GJB7: variants seen among roughly 807,000 people sequenced by gnomAD.
GJB7 encodes gap junction protein beta 7.
For missense variants in GJB7, 253 were observed against 256.8 expected (o/e 0.99, Z 0.10); for synonymous variants, 87 against 95.2 (o/e 0.91, Z 0.50).
At chr6:87,296,131 A>G (rs923183472) in intron 2 of GJB7, among the ~76,000 whole-genome samples, 1 of 152,266 alleles carries the variant, frequency 6.6e-6, no homozygotes, top group African/African-American at 2.4e-5. Context: ...ATACAGTACA[A>G]TAGTGACTAT....
chr6:87,328,404 T>C (rs1202502083), intron 1 of GJB7, among the ~76,000 whole-genome samples: 1 of 152,080 alleles, frequency 6.6e-6, no homozygotes, highest in African/African-American at 2.4e-5. Context: ...TTGTCTTTGT[T>C]GATGGTGATG....
At chr6:87,289,208 AG>A (rs1776119781) in intron 2 of GJB7, among the ~76,000 whole-genome samples, 2 of 152,302 alleles carry the variant, frequency 1.3e-5, no homozygotes, top group South Asian at 4.1e-4. Context: ...AACCTGAATC[AG>A]AGTGGCTTTC....
At chr6:87,300,190 A>G (rs1052412987) in intron 2 of GJB7, 1 of 212,794 alleles carries the variant, frequency 4.7e-6, no homozygotes, top group African/African-American at 2.3e-5. Flanking sequence ...TGCAGTGACT[A>G]TTGTTAAGAA....
intron 2 of GJB7, among the ~76,000 whole-genome samples, chr6:87,307,213 A>AG (rs1554213747): frequency 3.3e-5 from 5 of 151,636 alleles, no homozygotes; most frequent in African/African-American, 9.7e-5. Flanking sequence ...AAAAAAAAAA[A>AG]ACTATTAAAA....
chr6:87,305,680 A>C (rs1776414605), intron 2 of GJB7, among the ~76,000 whole-genome samples: 2 of 152,344 alleles, frequency 1.3e-5, no homozygotes, highest in South Asian at 2.1e-4. Context: ...AAGCTACTTT[A>C]AAGTTCATAT....
chr6:87,315,731 G>C (rs1339794423), intron 2 of GJB7, among the ~76,000 whole-genome samples: 1 of 150,674 alleles, frequency 6.6e-6, no homozygotes, highest in African/African-American at 2.5e-5. Context: ...GGGAGGTGGA[G>C]GTTGCAGTGA....
intron 2 of GJB7, among the ~76,000 whole-genome samples, chr6:87,293,838 AC>A (rs1776213641): frequency 6.6e-6 from 1 of 152,192 alleles, no homozygotes; most frequent in Non-Finnish European, 1.5e-5. Flanking sequence ...AATTTTCCAG[AC>A]AAAGATCCCT....
intron 2 of GJB7, among the ~76,000 whole-genome samples, chr6:87,310,118 A>T (rs1407105811): frequency 1.3e-5 from 2 of 152,230 alleles, no homozygotes; most frequent in African/African-American, 4.8e-5. Context: ...AAAAAAATTC[A>T]TCTTGATTGC....
In GJB7 at chr6:87,329,160, C is replaced by T. The variant is rs1776928232; in HGVS notation, c.-228G>A. 1 of 156,204 alleles carries T rather than the reference C, an allele frequency of 6.4e-6. No homozygotes were observed. The highest frequency in any genetic ancestry group is 2.4e-5 in the African/African-American group (1 of 41,506). 9.7% of individuals were successfully genotyped at this position (156,204 alleles called of 1,614,324 possible). On this transcript the variant is annotated 5_prime_UTR_variant, in exon 1 of 3. Coordinates refer to ENST00000525899, the MANE Select transcript of GJB7 (RefSeq NM_198568.3). ...TACCTGCGCCCAGTGTCTGGCACTC[C>T]CTAGTGAGATGAACCCGGTACCTCG...
intron 2 of GJB7, among the ~76,000 whole-genome samples, chr6:87,286,056 G>T (rs1245577312): frequency 6.6e-6 from 1 of 151,900 alleles, no homozygotes; most frequent in Non-Finnish European, 1.5e-5. Flanking sequence ...TTTCATCTTC[G>T]TTTTTGTTGT....
chr6:87,310,679 C>A (rs961346487), intron 2 of GJB7, among the ~76,000 whole-genome samples: 1 of 151,968 alleles, frequency 6.6e-6, no homozygotes, highest in South Asian at 2.1e-4. Flanking sequence ...AATATTCATA[C>A]AAATCAACAA....
chr6:87,298,246 A>T (rs1270543090), intron 2 of GJB7, among the ~76,000 whole-genome samples: 2 of 152,252 alleles, frequency 1.3e-5, no homozygotes, highest in African/African-American at 2.4e-5. Flanking sequence ...TGGAACCAAG[A>T]TCACTGAGAG....
At chr6:87,312,549 G>A (rs146535714) in intron 2 of GJB7, among the ~76,000 whole-genome samples, 27 of 151,842 alleles carry the variant, frequency 1.8e-4, no homozygotes, top group African/African-American at 5.5e-4. Flanking sequence ...GGTGGTCAAG[G>A]CAAAGCTCTA....
At chr6:87,298,320 T>C (rs1236602388) in intron 2 of GJB7, among the ~76,000 whole-genome samples, 1 of 152,196 alleles carries the variant, frequency 6.6e-6, no homozygotes, top group Non-Finnish European at 1.5e-5. Flanking sequence ...TTTTCACTGA[T>C]ATAGAAGCAG....
intron 2 of GJB7, among the ~76,000 whole-genome samples, chr6:87,289,232 A>C (rs1450296621): frequency 6.6e-6 from 1 of 152,156 alleles, no homozygotes; most frequent in Admixed American, 6.5e-5. Flanking sequence ...TGACCCCACT[A>C]ATCTAAATTA....
At chr6:87,290,689 A>C (rs59138817) in intron 2 of GJB7, among the ~76,000 whole-genome samples, 13,384 of 152,160 alleles carry the variant, frequency 0.088, 1,035 homozygotes, top group African/African-American at 0.21. Context: ...TGCAAACTAC[A>C]CAGCACTCAG....
Position 87,284,782 on chromosome 6 carries a change from C to T in GJB7, c.131G>A (p.Trp44Ter), listed in dbSNP as rs776237201. The stretch of plus-strand genomic sequence containing the variant: ...CTCAAACTCTTTCTGCTCATCTTTC[C>T]ACACGTGCTCTGCTGCCACCATGTA... ...LVYMVAAEHV[W>*]KDEQKEFECN... Residue 44 changes from tryptophan (W) to a stop codon, truncating the protein, a stop_gained, in exon 3 of 3, where the codon TGG (tryptophan) becomes TAG (stop). Transcript: ENST00000525899. LOFTEE classifies it low-confidence loss of function (END_TRUNC). 2.5e-6 allele frequency: 4 copies of T among 1,614,010 alleles called. No homozygotes were observed. Among genetic ancestry groups the T allele is most frequent in the Non-Finnish European group, 3.4e-6 (4 of 1,180,032 alleles).
At position 87,325,166 on chromosome 6, in the gene GJB7, G is replaced by A. The variant is rs183771024; in HGVS notation, c.-205-2123C>T. On this transcript the variant is annotated intron_variant, in intron 1 of 2. Transcript: ENST00000525899. ...GCTTATCAGCTTAAGGAGATGTTGG[G>A]CTGAGACAATGGGGTTTTCTAGGTA... Among the ~76,000 whole-genome samples, 514 of 152,290 alleles carry A rather than the reference G, an allele frequency of 3.4e-3. 1 individual carries two copies. Among genetic ancestry groups the A allele is most frequent in the African/African-American group, 0.012 (493 of 41,512 alleles).
chr6:87,305,765 G>C (rs1776416888), intron 2 of GJB7, among the ~76,000 whole-genome samples: 2 of 152,238 alleles, frequency 1.3e-5, no homozygotes, highest in African/African-American at 2.4e-5. Flanking sequence ...CACACTACCT[G>C]ACTTCAAACT....
Sources: gnomAD v4.1 joint callset for allele counts (sites outside exome capture counted in the v4.1 genomes callset) on GRCh38, gnomAD v4.1.1 for gene constraint, MANE v1.5 for transcripts, NCBI Gene and HGNC (gene_info 2026-07-23, HGNC 2026-07-21) for gene names.